Variants in TRPS1 observed in about 807,000 individuals in gnomAD.
The protein encoded by TRPS1 is zinc finger transcription factor Trps1.
A neutral mutation model predicts 101.2 loss-of-function variants in TRPS1; 6 were observed. That is an observed-to-expected ratio of 0.06 (90% confidence interval 0.03 to 0.12). The LOEUF is 0.12. TRPS1 is among the 10% of genes least tolerant of loss of function. TRPS1 has a pLI of 1.00. For missense variants in TRPS1, 1,363 were observed against 1,567.0 expected (o/e 0.87, Z 2.20); for synonymous variants, 578 against 589.8 (o/e 0.98, Z 0.29).
chr8:115,502,271 A>G (rs1207692602), intron 5 of TRPS1, among the ~76,000 whole-genome samples: 1 of 152,206 alleles, frequency 6.6e-6, no homozygotes, highest in Non-Finnish European at 1.5e-5. Context: ...CATCAAAGAT[A>G]GAGAAGGCCA....
At chr8:115,420,724 A>T (rs1813031961) in intron 5 of TRPS1, among the ~76,000 whole-genome samples, 1 of 152,234 alleles carries the variant, frequency 6.6e-6, no homozygotes, top group Non-Finnish European at 1.5e-5. Flanking sequence ...CCAAAAGCAT[A>T]GCTTGCTTTA....
At chr8:115,488,663 G>T (rs1261933683) in intron 5 of TRPS1, among the ~76,000 whole-genome samples, 1 of 152,098 alleles carries the variant, frequency 6.6e-6, no homozygotes, top group East Asian at 1.9e-4. Flanking sequence ...AACAGAGTGA[G>T]ATTCCGTCAA....
At chr8:115,640,584 A>G (rs1447330775) in intron 1 of TRPS1, among the ~76,000 whole-genome samples, 2 of 152,226 alleles carry the variant, frequency 1.3e-5, no homozygotes, top group Non-Finnish European at 2.9e-5. Context: ...GAACACGCAT[A>G]AAACAGCAGG....
intron 5 of TRPS1, among the ~76,000 whole-genome samples, chr8:115,508,115 CAGTTCATGTAGAAATTT>C (rs1425226353): frequency 3.3e-5 from 5 of 152,052 alleles, no homozygotes; most frequent in African/African-American, 1.2e-4. Context: ...CCAATGTGCC[CAGTTCATGTAGAAATTT>C]AGTTCATGTA....
intron 5 of TRPS1, among the ~76,000 whole-genome samples, chr8:115,585,086 A>C (rs1817534464): frequency 6.6e-6 from 1 of 152,300 alleles, no homozygotes; most frequent in South Asian, 2.1e-4. Context: ...AATAAATCAT[A>C]GGGTTGGAAT....
intron 2 of TRPS1, among the ~76,000 whole-genome samples, chr8:115,620,505 A>C (rs75430665): frequency 0.017 from 2,514 of 152,272 alleles, 59 homozygotes; most frequent in African/African-American, 0.057. Flanking sequence ...ATGGTTATAG[A>C]ATACATCACA....
chr8:115,622,214 CTA>C (rs967006757), intron 2 of TRPS1, among the ~76,000 whole-genome samples: 7 of 151,914 alleles, frequency 4.6e-5, no homozygotes, highest in African/African-American at 1.4e-4. Flanking sequence ...CACTGGTAAA[CTA>C]TTTTTTTTTA....
intron 5 of TRPS1, among the ~76,000 whole-genome samples, chr8:115,501,458 G>A (rs550147688): frequency 6.6e-6 from 1 of 152,278 alleles, no homozygotes; most frequent in South Asian, 2.1e-4. Context: ...TTTCAAGTAT[G>A]TCCACTTTTC....
At chr8:115,505,873 G>T (rs1815430291) in intron 5 of TRPS1, among the ~76,000 whole-genome samples, 1 of 152,048 alleles carries the variant, frequency 6.6e-6, no homozygotes, top group Non-Finnish European at 1.5e-5. Flanking sequence ...TTTTAAATGT[G>T]TATGTTTAAG....
chr8:115,652,113 G>A (rs1352755715), intron 1 of TRPS1, among the ~76,000 whole-genome samples: 1 of 152,126 alleles, frequency 6.6e-6, no homozygotes, highest in Non-Finnish European at 1.5e-5. Flanking sequence ...TGATAGACTA[G>A]AACAAGTGTG....
At chr8:115,502,971 A>T (rs1278473937) in intron 5 of TRPS1, among the ~76,000 whole-genome samples, 1 of 152,138 alleles carries the variant, frequency 6.6e-6, no homozygotes, top group East Asian at 1.9e-4. Flanking sequence ...TACTTTTAAG[A>T]ATCACACTTA....
intron 5 of TRPS1, among the ~76,000 whole-genome samples, chr8:115,545,870 C>T (rs12056630): frequency 1.3e-5 from 2 of 152,072 alleles, no homozygotes; most frequent in Non-Finnish European, 2.9e-5. Flanking sequence ...AGAAAGTTAT[C>T]TGAGTGAAAT....
intron 5 of TRPS1, among the ~76,000 whole-genome samples, chr8:115,449,308 C>T (rs1813810804): frequency 1.3e-5 from 2 of 152,058 alleles, no homozygotes; most frequent in Non-Finnish European, 2.9e-5. Context: ...AAGATTTTTG[C>T]TAGATTTTAT....
At chr8:115,505,442 T>G (rs182445062) in intron 5 of TRPS1, among the ~76,000 whole-genome samples, 194 of 152,216 alleles carry the variant, frequency 1.3e-3, no homozygotes, top group African/African-American at 4.5e-3. Context: ...GCTAAAATTT[T>G]TTCATGTTTG....
intron 5 of TRPS1, among the ~76,000 whole-genome samples, chr8:115,574,648 CA>C (rs1817276180): frequency 1.3e-5 from 2 of 152,094 alleles, no homozygotes; most frequent in Non-Finnish European, 2.9e-5. Flanking sequence ...CCAAACACTT[CA>C]CTGAGTAGTT....
chr8:115,481,861 AGATAAG>A (rs1814760637), intron 5 of TRPS1, among the ~76,000 whole-genome samples: 1 of 152,278 alleles, frequency 6.6e-6, no homozygotes, highest in African/African-American at 2.4e-5. Flanking sequence ...GTACCCTGTG[AGATAAG>A]GTAATGCAAA....
intron 5 of TRPS1, among the ~76,000 whole-genome samples, chr8:115,575,731 G>A (rs57782908): frequency 0.015 from 2,227 of 152,132 alleles, 67 homozygotes; most frequent in African/African-American, 0.051. Flanking sequence ...ATTCATATAT[G>A]AGTAATGACA....
chr8:115,537,125 C>T (rs116970667), intron 5 of TRPS1, among the ~76,000 whole-genome samples: 3,376 of 152,018 alleles, frequency 0.022, 64 homozygotes, highest in Non-Finnish European at 0.037. Context: ...TTAGATGATT[C>T]CCCCACCCTG....
intron 5 of TRPS1, among the ~76,000 whole-genome samples, chr8:115,528,495 T>A (rs1038785013): frequency 4.6e-5 from 7 of 152,052 alleles, no homozygotes; most frequent in Non-Finnish European, 5.9e-5. Flanking sequence ...GCCACATTTT[T>A]ATTTAAATAC....
Sources: allele counts gnomAD v4.1 joint callset (sites outside exome capture counted in the v4.1 genomes callset), GRCh38; gene constraint gnomAD v4.1.1; transcripts MANE v1.5; gene names NCBI Gene and HGNC (gene_info 2026-07-23, HGNC 2026-07-21).